Variants in RASGRF2 observed in about 807,000 individuals in gnomAD.
RASGRF2 encodes Ras protein specific guanine nucleotide releasing factor 2, also known as ras-specific guanine nucleotide-releasing factor 2.
Under a neutral mutation model 151.0 loss-of-function variants are expected in RASGRF2, and 76 were observed. The ratio of observed to expected loss-of-function variants is 0.50; its 90% confidence interval spans 0.42 to 0.61. The LOEUF is 0.61. Ranked by LOEUF, RASGRF2 falls within the 20% of genes least tolerant of loss-of-function variation. The pLI, the probability that RASGRF2 is intolerant of heterozygous loss-of-function variation, is 0.00. For missense variants in RASGRF2, 1,148 were observed against 1,564.6 expected (o/e 0.73, Z 4.49); for synonymous variants, 504 against 566.5 (o/e 0.89, Z 1.57).
At chr5:81,170,656 G>A (rs910708595) in intron 17 of RASGRF2, among the ~76,000 whole-genome samples, 1 of 152,104 alleles carries the variant, frequency 6.6e-6, no homozygotes, top group South Asian at 2.1e-4. Context: ...TCCTTAGAAA[G>A]GCCTTCCCCA....
chr5:81,034,489 C>G (rs1463535559), intron 1 of RASGRF2, among the ~76,000 whole-genome samples: 1 of 151,976 alleles, frequency 6.6e-6, no homozygotes, highest in Non-Finnish European at 1.5e-5. Flanking sequence ...GCTATAAAGA[C>G]ACATGCACAC....
Position 80,990,121 on chromosome 5 carries a change from G to A in RASGRF2, c.288+29095G>A, listed in dbSNP as rs1266274248. On this transcript the variant is annotated intron_variant, in intron 1 of 26. Transcript: ENST00000265080. Reference sequence around the variant, plus strand: ...GCGGGAGCTGTGTCCCCTGGAGAAAGTAGGGTCATTTTCTTAGAACACAGG... The same window carrying A: ...GCGGGAGCTGTGTCCCCTGGAGAAAATAGGGTCATTTTCTTAGAACACAGG... Among the ~76,000 whole-genome samples the A allele has an allele frequency of 2.0e-5, 3 of 152,200 alleles. No homozygotes were observed. The South Asian group carries it at 6.2e-4, about 31-fold the overall frequency.
At chr5:81,188,789 T>G (rs899756472) in intron 18 of RASGRF2, among the ~76,000 whole-genome samples, 4 of 152,204 alleles carry the variant, frequency 2.6e-5, no homozygotes, top group African/African-American at 9.6e-5. Flanking sequence ...GTTCCACCGA[T>G]AGCAAATGGC....
At position 81,086,333 on chromosome 5, in the gene RASGRF2, C is replaced by T. The variant is rs530817981; in HGVS notation, c.1271+422C>T. On this transcript the variant is annotated intron_variant, in intron 8 of 26. Transcript: ENST00000265080. The stretch of plus-strand genomic sequence containing the variant: ...TTTGAGACCAGCCTGGGCAACATAG[C>T]GAGACCCCATCTCAACAAAAAAGAC... Among the ~76,000 whole-genome samples the T allele has an allele frequency of 2.4e-4, 36 of 152,112 alleles. No individual in the cohort carries two copies. In the East Asian group the frequency reaches 5.4e-3, roughly 23 times the overall value.
chr5:81,044,988 G>A (rs1418321056), intron 2 of RASGRF2, among the ~76,000 whole-genome samples: 2 of 152,134 alleles, frequency 1.3e-5, no homozygotes, highest in Non-Finnish European at 2.9e-5. Flanking sequence ...CACTCTCCAT[G>A]TGGACCCCAG....
At chr5:81,031,242 G>A (rs1336423590) in intron 1 of RASGRF2, among the ~76,000 whole-genome samples, 1 of 152,034 alleles carries the variant, frequency 6.6e-6, no homozygotes, top group African/African-American at 2.4e-5. Context: ...ACAGATCAAC[G>A]AGACAGAAAG....
chr5:81,213,523 G>A (rs1024791694), intron 23 of RASGRF2, among the ~76,000 whole-genome samples: 9 of 152,120 alleles, frequency 5.9e-5, no homozygotes, highest in African/African-American at 9.7e-5. Context: ...GTCCCAGACC[G>A]GAAGATCTAG....
chr5:81,119,739 T>G (rs1753254455), intron 15 of RASGRF2, among the ~76,000 whole-genome samples: 1 of 152,216 alleles, frequency 6.6e-6, no homozygotes, highest in Non-Finnish European at 1.5e-5. Context: ...AGGGAACCTG[T>G]GAATAACAGT....
At chr5:80,983,723 C>T (rs1052674591) in intron 1 of RASGRF2, among the ~76,000 whole-genome samples, 2 of 152,144 alleles carry the variant, frequency 1.3e-5, no homozygotes, top group Non-Finnish European at 2.9e-5. Flanking sequence ...ATGAGATGTG[C>T]TTTGTGTATA....
chr5:81,212,294 A>G, intron 22 of RASGRF2, 72 bp from the exon 23 acceptor site: 3 of 1,117,428 alleles, frequency 2.7e-6, no homozygotes, highest in Non-Finnish European at 1.3e-6. Flanking sequence ...TCTGCAGATA[A>G]TTTACATATT....
At chr5:81,111,704 A>T (rs985557454) in intron 13 of RASGRF2, among the ~76,000 whole-genome samples, 2 of 152,124 alleles carry the variant, frequency 1.3e-5, no homozygotes, top group African/African-American at 4.8e-5. Context: ...TAGGAAGGAA[A>T]TAAGAAGAGA....
chr5:81,187,078 C>T (rs1162048647), intron 18 of RASGRF2, among the ~76,000 whole-genome samples: 4 of 152,202 alleles, frequency 2.6e-5, no homozygotes, highest in Non-Finnish European at 5.9e-5. Context: ...GTGAAAGCGG[C>T]ATCTGGTCCA....
At chr5:81,198,930 G>C (rs1755329718) in intron 18 of RASGRF2, among the ~76,000 whole-genome samples, 1 of 152,184 alleles carries the variant, frequency 6.6e-6, no homozygotes, top group Non-Finnish European at 1.5e-5. Flanking sequence ...TATATACCCA[G>C]GGATTGCTGA....
At chr5:81,125,210 T>C (rs1349503214) in intron 16 of RASGRF2, among the ~76,000 whole-genome samples, 4 of 152,116 alleles carry the variant, frequency 2.6e-5, no homozygotes, top group Non-Finnish European at 5.9e-5. Context: ...TTGACTCTCA[T>C]AGGCATGCTT....
intron 23 of RASGRF2, among the ~76,000 whole-genome samples, chr5:81,214,169 G>A (rs574067567): frequency 1.1e-4 from 17 of 152,314 alleles, no homozygotes; most frequent in African/African-American, 2.2e-4. Flanking sequence ...AGGAATAACC[G>A]AACTGATCAT....
intron 1 of RASGRF2, among the ~76,000 whole-genome samples, chr5:80,978,060 C>G (rs1207609345): frequency 6.6e-6 from 1 of 152,072 alleles, no homozygotes; most frequent in Non-Finnish European, 1.5e-5. Context: ...GTTTCTTTGT[C>G]ATGTGATTTC....
At chr5:81,079,772 T>G (rs1460866885) in intron 5 of RASGRF2, among the ~76,000 whole-genome samples, 1 of 152,222 alleles carries the variant, frequency 6.6e-6, no homozygotes, top group South Asian at 2.1e-4. Flanking sequence ...CTGAGTTATC[T>G]AGAATCACAT....
chr5:81,202,627 A>G (rs974619692), intron 19 of RASGRF2, among the ~76,000 whole-genome samples: 4 of 152,252 alleles, frequency 2.6e-5, no homozygotes, highest in Non-Finnish European at 5.9e-5. Flanking sequence ...CCCATACCTC[A>G]AAATGGACCT....
intron 17 of RASGRF2, among the ~76,000 whole-genome samples, chr5:81,128,231 A>G (rs1462748720): frequency 6.6e-6 from 1 of 152,186 alleles, no homozygotes; most frequent in African/African-American, 2.4e-5. Context: ...CATGGTGACT[A>G]GTTAAAAATG....
Sources: gnomAD v4.1 joint callset for allele counts (sites outside exome capture counted in the v4.1 genomes callset) on GRCh38, gnomAD v4.1.1 for gene constraint, MANE v1.5 for transcripts, NCBI Gene and HGNC (gene_info 2026-07-23, HGNC 2026-07-21) for gene names.